The following FNTB variants were observed in gnomAD, a reference collection of about 807,000 sequenced individuals.
FNTB encodes farnesyltransferase, CAAX box, subunit beta.
Under a neutral mutation model 59.4 loss-of-function variants are expected in FNTB, and 27 were observed. That is an observed-to-expected ratio of 0.45 (90% CI 0.34 to 0.63). The LOEUF is 0.63. Ranked by LOEUF, FNTB falls within the 20% of genes least tolerant of loss-of-function variation. The probability of loss-of-function intolerance (pLI) is 0.02; values close to 1 mark genes in which losing one functional copy is unlikely to be tolerated. For missense variants in FNTB, 449 were observed against 559.6 expected (o/e 0.80, Z 1.99); for synonymous variants, 230 against 220.7 (o/e 1.04, Z -0.37).
intron 4 of FNTB, among the ~76,000 whole-genome samples, chr14:65,021,607 A>G (rs1289102610): frequency 6.6e-6 from 1 of 152,116 alleles, no homozygotes; most frequent in Non-Finnish European, 1.5e-5. Context: ...AGAATTACTG[A>G]GCCCCAGTGT....
intron 11 of FNTB, among the ~76,000 whole-genome samples, chr14:65,058,671 G>A (rs946010022): frequency 6.6e-6 from 1 of 152,282 alleles, no homozygotes; most frequent in Non-Finnish European, 1.5e-5. Context: ...GTTAGTTTCA[G>A]TCATAAGGTA....
intron 9 of FNTB, among the ~76,000 whole-genome samples, chr14:65,050,725 G>C (rs980563569): frequency 7.2e-5 from 11 of 152,172 alleles, no homozygotes; most frequent in Non-Finnish European, 1.5e-4. Flanking sequence ...CTGCAGAGCA[G>C]GGCTACTCCA....
In FNTB at chr14:65,055,504, A is replaced by T. The variant is rs193146532; in HGVS notation, c.1182+815A>T. ...TAACCTTCCTTTTTTGTTTAAAAAAATTTTTTTTTTAATTTTTAATTTTTT... is the reference window on the plus strand; with the variant it reads ...TAACCTTCCTTTTTTGTTTAAAAAATTTTTTTTTTTAATTTTTAATTTTTT... On this transcript the variant is annotated intron_variant, in intron 11 of 11. Coordinates refer to ENST00000246166, the MANE Select transcript of FNTB (RefSeq NM_002028.4). Among the ~76,000 whole-genome samples the T allele has an allele frequency of 2.8e-3, 423 of 151,454 alleles. 4 individuals carry two copies. The East Asian group carries it at 0.032, about 12-fold the overall frequency.
chr14:65,017,083 T>C (rs6573589), intron 4 of FNTB, among the ~76,000 whole-genome samples: 145,195 of 152,030 alleles, frequency 0.96, 69,398 homozygotes, highest in East Asian at 1. Context: ...CCACCGTGCC[T>C]GGCTAATTTT....
At chr14:65,058,005 C>G (rs1313192994) in intron 11 of FNTB, among the ~76,000 whole-genome samples, 1 of 152,144 alleles carries the variant, frequency 6.6e-6, no homozygotes, top group African/African-American at 2.4e-5. Flanking sequence ...CTTGGCTATT[C>G]TTTGCCTTTT....
Position 64,997,769 on chromosome 14 carries a change from C to T in FNTB, c.145-6480C>T, listed in dbSNP as rs1888456196. 6.6e-6 allele frequency among the ~76,000 whole-genome samples: 1 copy of T among 152,206 alleles called. No individual in the cohort carries two copies. The highest frequency in any genetic ancestry group is 2.1e-4 in the South Asian group (1 of 4,832). On this transcript the variant is annotated intron_variant, in intron 1 of 11. Coordinates refer to ENST00000246166, the MANE Select transcript of FNTB (RefSeq NM_002028.4). The surrounding 1 kb of genome is among the most constrained non-coding windows in gnomAD (Gnocchi z 4.5). ...TTATGCAGGTTTAGGCAGGTGCCTT[C>T]TCCATTGGTAAGAGTTCCTAGTGGC...
chr14:64,992,492 A>T (rs140425977), intron 1 of FNTB, among the ~76,000 whole-genome samples: 1 of 152,182 alleles, frequency 6.6e-6, no homozygotes, highest in Non-Finnish European at 1.5e-5. Flanking sequence ...CACTGGAGCC[A>T]CTTTTTGAGT....
chr14:65,036,960 A>G (rs2062206078), intron 7 of FNTB, among the ~76,000 whole-genome samples: 1 of 152,036 alleles, frequency 6.6e-6, no homozygotes, highest in Non-Finnish European at 1.5e-5. Flanking sequence ...TCTTGTTTGG[A>G]AACTTGATGA....
chr14:65,015,410 C>CTTTTTTTTTTTTTTTTTTT (rs888923691), intron 3 of FNTB: 1 of 153,158 alleles, frequency 6.5e-6, no homozygotes, highest in Non-Finnish European at 1.3e-5. Context: ...GCCTTGTTAT[C>CTTTTTTTTTTTTTTTTTTT]TTTTTTTTTT....
chr14:65,019,639 A>C (rs972570114), intron 4 of FNTB, among the ~76,000 whole-genome samples: 3 of 152,206 alleles, frequency 2.0e-5, no homozygotes, highest in Admixed American at 1.3e-4. Context: ...AGTTAATGAG[A>C]GTTTCTGCTT....
chr14:65,059,994 C>T (rs926893506), intron 11 of FNTB, among the ~76,000 whole-genome samples: 4 of 151,608 alleles, frequency 2.6e-5, no homozygotes, highest in African/African-American at 9.7e-5. Flanking sequence ...CCATCATGCT[C>T]GGCTAATTTT....
rs561990412 is a variant in FNTB at position 64,994,283 on chromosome 14, C to T, written c.144+7186C>T. 4.6e-4 allele frequency among the ~76,000 whole-genome samples: 70 copies of T among 152,264 alleles called. No homozygotes were observed. Among genetic ancestry groups the T allele is most frequent in the African/African-American group, 1.6e-3 (66 of 41,540 alleles). On this transcript the variant is annotated intron_variant, in intron 1 of 11. Coordinates refer to ENST00000246166, the MANE Select transcript of FNTB (RefSeq NM_002028.4). The surrounding 1 kb of genome is among the most constrained non-coding windows in gnomAD (Gnocchi z 4.2). ...GCCATGGCACCTAAGTGTTGGGGAC[C>T]CTAGTACAGTTACTTGATCCCTGGC...
At chr14:65,043,563 C>T (rs2062399683) in intron 8 of FNTB, among the ~76,000 whole-genome samples, 1 of 152,112 alleles carries the variant, frequency 6.6e-6, no homozygotes, top group African/African-American at 2.4e-5. Context: ...TGGCTCACGC[C>T]TGTAATCCCA....
chr14:65,000,815 C>CAAA (rs59420832), intron 1 of FNTB, among the ~76,000 whole-genome samples: 5 of 36,452 alleles, frequency 1.4e-4, no homozygotes, highest in Non-Finnish European at 3.0e-4. Flanking sequence ...GACTCCGTCT[C>CAAA]AAAAAAAAAA....
Position 65,032,478 on chromosome 14 carries a change from C to T in FNTB, c.606-132C>T, listed in dbSNP as rs1278866593. ...TCAGTTGGAGACCCAGGAGGACTGA[C>T]CGTGTGCCAAGAGTGAGGACAGGAG... On this transcript the variant is annotated intron_variant, in intron 6 of 11. Coordinates refer to ENST00000246166, the MANE Select transcript of FNTB (RefSeq NM_002028.4). The surrounding 1 kb of genome is among the most constrained non-coding windows in gnomAD (Gnocchi z 5.0). 4 of 856,802 alleles carry T rather than the reference C, an allele frequency of 4.7e-6. No homozygotes were observed. Among genetic ancestry groups the T allele is most frequent in the Non-Finnish European group, 6.9e-6 (4 of 581,754 alleles). 53.1% of individuals were successfully genotyped at this position (856,802 alleles called of 1,614,324 possible).
rs932927553 is a variant in FNTB at position 65,012,671 on chromosome 14, C to T, written c.282+282C>T. On this transcript the variant is annotated intron_variant, in intron 3 of 11. Transcript: ENST00000246166. This position sits in a 1 kb window ranked among gnomAD's most constrained non-coding sequence, Gnocchi z 5.0. ...GGTTCACGTGCTTTATCTAGACCTC[C>T]TTGACAGCTGGCTAAATGCCAGTTA... Among the ~76,000 whole-genome samples the T allele has an allele frequency of 2.0e-5, 3 of 152,232 alleles. No individual in the cohort carries two copies. The East Asian group carries it at 5.8e-4, about 29-fold the overall frequency.
At chr14:65,024,103 TAAAA>T (rs557949276) in intron 4 of FNTB, among the ~76,000 whole-genome samples, 2 of 129,708 alleles carry the variant, frequency 1.5e-5, no homozygotes, top group African/African-American at 5.8e-5. Context: ...CTCCATCTCC[TAAAA>T]AAAAAAAAAA....
At chr14:65,004,118 A>C in intron 1 of FNTB, 131 bp from the exon 2 acceptor site, 1 of 867,692 alleles carries the variant, frequency 1.2e-6, no homozygotes, top group Non-Finnish European at 1.8e-6. Flanking sequence ...AACCCATCTT[A>C]CAGTACTGTG....
intron 2 of FNTB, among the ~76,000 whole-genome samples, chr14:65,005,241 A>C (rs1161275729): frequency 6.6e-6 from 1 of 152,244 alleles, no homozygotes; most frequent in Non-Finnish European, 1.5e-5. Context: ...ATTTAATTTG[A>C]ACCTTTATTT....
Sources: gnomAD v4.1 joint callset for allele counts (sites outside exome capture counted in the v4.1 genomes callset) on GRCh38, gnomAD v4.1.1 for gene constraint, Gnocchi (gnomAD v3.1) non-coding constraint, MANE v1.5 for transcripts, NCBI Gene and HGNC (gene_info 2026-07-23, HGNC 2026-07-21) for gene names.